The following ITGA9 variants were observed in gnomAD, a reference collection of about 807,000 sequenced individuals.
The protein encoded by ITGA9 is integrin subunit alpha 9.
In ITGA9, 56 loss-of-function variants were observed where a neutral mutation model predicts 127.8. The observed-to-expected ratio is 0.44, with a 90% CI of 0.35 to 0.55. The LOEUF is 0.55. Ranked by LOEUF, ITGA9 falls within the 20% of genes least tolerant of loss-of-function variation. The pLI, the probability that ITGA9 is intolerant of heterozygous loss-of-function variation, is 0.00. For missense variants in ITGA9, 1,196 were observed against 1,347.1 expected (o/e 0.89, Z 1.76); for synonymous variants, 508 against 514.5 (o/e 0.99, Z 0.17).
intron 18 of ITGA9, among the ~76,000 whole-genome samples, chr3:37,706,939 G>A (rs1287146639): frequency 6.6e-6 from 1 of 152,112 alleles, no homozygotes; most frequent in East Asian, 1.9e-4. Flanking sequence ...AGATGAAGAA[G>A]TAAAAGTTTG....
chr3:37,489,162 C>T (rs1490135261), intron 4 of ITGA9, among the ~76,000 whole-genome samples: 1 of 152,218 alleles, frequency 6.6e-6, no homozygotes, highest in Non-Finnish European at 1.5e-5. Flanking sequence ...AATTTTCTTC[C>T]TTTTTAAAGG....
At position 37,665,918 on chromosome 3, in the gene ITGA9, C is replaced by T. The variant is rs138663972; in HGVS notation, c.1916+12128C>T. ...GAGCAGTGTAAGGGACAGTCACACT[C>T]TGGGAAAGACATCGAAGGGTGACAT... On this transcript the variant is annotated intron_variant, in intron 17 of 27. Transcript: ENST00000264741. 3.0e-3 allele frequency among the ~76,000 whole-genome samples: 463 copies of T among 152,292 alleles called. 4 individuals are homozygous for T. Among genetic ancestry groups the T allele is most frequent in the Middle Eastern group, 0.01 (3 of 294 alleles).
chr3:37,768,007 A>T (rs575568012), intron 23 of ITGA9, among the ~76,000 whole-genome samples: 1 of 152,304 alleles, frequency 6.6e-6, no homozygotes. Flanking sequence ...AGAGTAAATG[A>T]ACAGAGCCTG....
intron 5 of ITGA9, among the ~76,000 whole-genome samples, chr3:37,495,982 C>T (rs1169177976): frequency 1.3e-5 from 2 of 152,192 alleles, no homozygotes; most frequent in Non-Finnish European, 2.9e-5. Flanking sequence ...GGCCACCTCT[C>T]TCTTTTCCTC....
intron 14 of ITGA9, among the ~76,000 whole-genome samples, chr3:37,536,584 C>T (rs1444680001): frequency 1.3e-5 from 2 of 152,230 alleles, no homozygotes; most frequent in Non-Finnish European, 2.9e-5. Flanking sequence ...AGGGTTCAAG[C>T]CTATGTACAG....
At chr3:37,584,138 A>G (rs915467610) in intron 15 of ITGA9, among the ~76,000 whole-genome samples, 1 of 152,172 alleles carries the variant, frequency 6.6e-6, no homozygotes, top group African/African-American at 2.4e-5. Flanking sequence ...GATCTGTGGG[A>G]TGGTTGGACA....
intron 15 of ITGA9, among the ~76,000 whole-genome samples, chr3:37,615,667 A>T (rs1248198333): frequency 2.0e-5 from 3 of 152,164 alleles, no homozygotes; most frequent in Admixed American, 1.3e-4. Flanking sequence ...CTATTCAGAG[A>T]TTCAACTTCT....
chr3:37,781,879 C>G (rs1051663604), intron 25 of ITGA9, among the ~76,000 whole-genome samples: 1 of 152,204 alleles, frequency 6.6e-6, no homozygotes, highest in Non-Finnish European at 1.5e-5. Context: ...GCCGTTACAG[C>G]CCTCACACAC....
In ITGA9 at chr3:37,692,412, AGTGT is replaced by A. The variant is rs59928496; in HGVS notation, c.2067+8426_2067+8429del. ...TAATGAAGGATTGAGAGAGAGAGAG[AGTGT>A]GTGTGTGTGTGTGTGTGTGTGTGTG... On this transcript the variant is annotated intron_variant, in intron 18 of 27. Coordinates refer to ENST00000264741, the MANE Select transcript of ITGA9 (RefSeq NM_002207.3). 9.9e-3 allele frequency among the ~76,000 whole-genome samples: 1,442 copies of A among 146,052 alleles called. 26 individuals are homozygous for A. The highest frequency in any genetic ancestry group is 0.032 in the African/African-American group (1,282 of 39,576).
intron 21 of ITGA9, among the ~76,000 whole-genome samples, chr3:37,742,956 C>G (rs1407277958): frequency 1.3e-5 from 2 of 152,134 alleles, no homozygotes; most frequent in Non-Finnish European, 2.9e-5. Flanking sequence ...CAAGAATATA[C>G]CCAGAACCAA....
chr3:37,592,095 C>A (rs1699826422), intron 15 of ITGA9, among the ~76,000 whole-genome samples: 1 of 152,156 alleles, frequency 6.6e-6, no homozygotes, highest in South Asian at 2.1e-4. Context: ...CCTTTCATTC[C>A]TCCAGCCTGT....
At chr3:37,507,355 C>T (rs1455652278) in intron 7 of ITGA9, among the ~76,000 whole-genome samples, 1 of 152,186 alleles carries the variant, frequency 6.6e-6, no homozygotes, top group Non-Finnish European at 1.5e-5. Flanking sequence ...ATGCCTACGT[C>T]TAGTTCACAG....
intron 16 of ITGA9, among the ~76,000 whole-genome samples, chr3:37,644,084 A>G (rs1176779910): frequency 6.6e-6 from 1 of 152,206 alleles, no homozygotes; most frequent in Non-Finnish European, 1.5e-5. Context: ...CTGGGGTGCA[A>G]AAGTCCCTAG....
At chr3:37,524,653 A>G (rs749517117) in intron 12 of ITGA9, among the ~76,000 whole-genome samples, 1 of 152,200 alleles carries the variant, frequency 6.6e-6, no homozygotes, top group Non-Finnish European at 1.5e-5. Context: ...TCCACATGCA[A>G]TGTGCATCTC....
chr3:37,494,528 A>T lies in ITGA9; in HGVS notation c.572A>T (p.His191Leu), dbSNP rs747395963. The change falls in exon 5 of 28, where the codon CAC becomes CTC. Residue 191 changes from histidine to leucine, a missense_variant. By Grantham distance (99) the His-to-Leu change is moderately conservative. Coordinates refer to ENST00000264741, the MANE Select transcript of ITGA9 (RefSeq NM_002207.3). ...TATAAGAAGAAGTACGGAGAGGAAC[A>T]CGGCTCCTGCCAGGCTGGGATAGCG... ...EEYKKKYGEE[H>L]GSCQAGIAGF... 1 of 1,613,860 alleles carries T rather than the reference A, an allele frequency of 6.2e-7. No individual in the cohort carries two copies. Among genetic ancestry groups the T allele is most frequent in the South Asian group, 1.1e-5 (1 of 91,048 alleles).
chr3:37,470,034 C>G (rs1698411263), intron 1 of ITGA9, among the ~76,000 whole-genome samples: 1 of 152,026 alleles, frequency 6.6e-6, no homozygotes, highest in Non-Finnish European at 1.5e-5. Context: ...TAAGCTCAGG[C>G]AGTCTGCCCA....
chr3:37,493,108 G>A (rs549862422), intron 4 of ITGA9, among the ~76,000 whole-genome samples: 2 of 152,266 alleles, frequency 1.3e-5, no homozygotes, highest in African/African-American at 4.8e-5. Context: ...TGGAAGAGGA[G>A]TAACTCAATT....
intron 18 of ITGA9, among the ~76,000 whole-genome samples, chr3:37,720,052 A>T (rs756398668): frequency 1.3e-5 from 2 of 152,168 alleles, no homozygotes; most frequent in East Asian, 1.9e-4. Context: ...TCAAATGTCC[A>T]TGTTCGCAGA....
At chr3:37,751,117 C>T (rs1430825270) in intron 23 of ITGA9, among the ~76,000 whole-genome samples, 1 of 152,224 alleles carries the variant, frequency 6.6e-6, no homozygotes, top group Non-Finnish European at 1.5e-5. Flanking sequence ...GTGATGGTGA[C>T]AGTAATTTCT....
Sources: allele counts gnomAD v4.1 joint callset (sites outside exome capture counted in the v4.1 genomes callset), GRCh38; gene constraint gnomAD v4.1.1; transcripts MANE v1.5; gene names NCBI Gene and HGNC (gene_info 2026-07-23, HGNC 2026-07-21).